The following LIX1L variants were observed in gnomAD, a reference collection of about 807,000 sequenced individuals.
The protein encoded by LIX1L is LIX1-like protein.
Under a neutral mutation model 34.0 loss-of-function variants are expected in LIX1L, and 20 were observed. The observed-to-expected ratio is 0.59, with a 90% CI of 0.41 to 0.85. LIX1L has a LOEUF of 0.85. Ranked by LOEUF, LIX1L falls within the 40% of genes least tolerant of loss-of-function variation. The pLI, the probability that LIX1L is intolerant of heterozygous loss-of-function variation, is 0.00. For synonymous variants in LIX1L, 170 were observed against 187.4 expected, an observed-to-expected ratio of 0.91 and a Z score of 0.76; for missense variants, 397 against 447.0, an observed-to-expected ratio of 0.89 and a Z score of 1.01.
chr1:145,944,071 CA>C (rs1649017212), intron 2 of LIX1L, among the ~76,000 whole-genome samples: 1 of 151,188 alleles, frequency 6.6e-6, no homozygotes, highest in Non-Finnish European at 1.5e-5. Context: ...AAAAGTAGAC[CA>C]GGGGTTGGGC....
intron 2 of LIX1L, among the ~76,000 whole-genome samples, chr1:145,945,764 A>G (rs1553759164): frequency 6.7e-6 from 1 of 148,712 alleles, no homozygotes; most frequent in Non-Finnish European, 1.5e-5. Context: ...AAAAAAAAAA[A>G]AGAAGAAGGA....
intron 1 of LIX1L, among the ~76,000 whole-genome samples, chr1:145,953,772 G>C (rs886506549): frequency 4.6e-5 from 7 of 152,206 alleles, no homozygotes; most frequent in Admixed American, 3.9e-4. Flanking sequence ...GAGGGAGGCA[G>C]GATGGGCACA....
chr1:145,947,240 T>C (rs1553759346), intron 2 of LIX1L: 1 of 192,090 alleles, frequency 5.2e-6, no homozygotes, highest in African/African-American at 2.3e-5. Context: ...CATTGCTTTC[T>C]TTAGTAATTG....
Position 145,957,723 on chromosome 1 carries a change from CGGG to C in LIX1L, c.202_204del (p.Pro68del). ...AGCACTGCCGGGCTGCCGGCGGCGC[CGGG>C]GGGCAGGGGTAGTCCTGGGGCCCCA... On this transcript the variant is annotated inframe_deletion, in exon 1 of 6. Transcript: ENST00000604000. 6.8e-7 allele frequency: 1 copy of C among 1,477,626 alleles called. No individual in the cohort carries two copies. Among genetic ancestry groups the C allele is most frequent in the Non-Finnish European group, 8.9e-7 (1 of 1,119,318 alleles). The allele number at this position is 1,477,626 out of a possible 1,614,324, so 91.5% of individuals were successfully genotyped here.
intron 3 of LIX1L, among the ~76,000 whole-genome samples, chr1:145,938,560 T>A (rs1321059403): frequency 6.6e-6 from 1 of 150,776 alleles, no homozygotes; most frequent in African/African-American, 2.4e-5. Flanking sequence ...TTAAATAAAA[T>A]TTTAAATTAA....
chr1:145,941,787 C>T (rs1354028301), intron 3 of LIX1L: 1 of 152,100 alleles, frequency 6.6e-6, no homozygotes, highest in Non-Finnish European at 1.5e-5. Flanking sequence ...GTACTTACAC[C>T]TCATAAGATT....
intron 4 of LIX1L, chr1:145,937,246 G>A (rs1648692406): frequency 5.4e-6 from 1 of 186,808 alleles, no homozygotes; most frequent in Non-Finnish European, 1.1e-5. Context: ...CGCAATCTCA[G>A]CTCACTGCAA....
intron 2 of LIX1L, among the ~76,000 whole-genome samples, chr1:145,946,202 T>G (rs1649101677): frequency 6.8e-6 from 1 of 146,216 alleles, no homozygotes. Context: ...CTGAAGTTCT[T>G]TTTTTTTTTT....
At chr1:145,952,446 G>C (rs1649328676) in intron 1 of LIX1L, among the ~76,000 whole-genome samples, 1 of 152,120 alleles carries the variant, frequency 6.6e-6, no homozygotes, top group Admixed American at 6.6e-5. Flanking sequence ...TTTTCTCAAA[G>C]TCTCTCACAA....
chr1:145,949,142 C>T (rs1649203451), intron 1 of LIX1L: 1 of 152,168 alleles, frequency 6.6e-6, no homozygotes, highest in African/African-American at 2.4e-5. Context: ...AACTCCAGAC[C>T]TGACATTGTA....
At position 145,936,562 on chromosome 1, in the gene LIX1L, G is replaced by T; in HGVS notation, c.772-10C>A. ...AATGAGCCAACACCTCCTAGTAGGG[G>T]AGGGGAATGTGAACATCATTGAGAA... On this transcript the variant is annotated splice_polypyrimidine_tract_variant and intron_variant, in intron 5 of 5. Coordinates refer to ENST00000604000, the MANE Select transcript of LIX1L (RefSeq NM_153713.3). 6.2e-7 allele frequency: 1 copy of T among 1,613,968 alleles called. No homozygotes were observed. The highest frequency in any genetic ancestry group is 8.5e-7 in the Non-Finnish European group (1 of 1,179,946).
At chr1:145,953,090 T>C (rs1414644922) in intron 1 of LIX1L, among the ~76,000 whole-genome samples, 1 of 151,780 alleles carries the variant, frequency 6.6e-6, no homozygotes, top group African/African-American at 2.4e-5. Flanking sequence ...TTCAAAAAAA[T>C]TTTTTTGTAG....
Position 145,947,762 on chromosome 1 carries a change from G to C in LIX1L, c.313C>G (p.Gln105Glu). ...YGRVNVVEAL[Q>E]EFWQMKQSRG... ...GACTGCTTCATCTGCCAGAATTCCT[G>C]AAGTGCCTCCACCACATTCACTACA... The change falls in exon 2 of 6, where the codon CAG becomes GAG. Residue 105 changes from glutamine to glutamate, a missense_variant. Gln to Glu is a conservative substitution (Grantham distance 29, BLOSUM62 2). This residue lies in a region of LIX1L where 207 missense variants were observed against 205.2 expected (regional missense o/e 1.01). Coordinates refer to ENST00000604000, the MANE Select transcript of LIX1L (RefSeq NM_153713.3). 6.2e-7 allele frequency: 1 copy of C among 1,614,116 alleles called. No homozygotes were observed. The highest frequency in any genetic ancestry group is 1.1e-5 in the South Asian group (1 of 91,072).
chr1:145,945,748 C>CA (rs1289472683), intron 2 of LIX1L, among the ~76,000 whole-genome samples: 8,017 of 78,164 alleles, frequency 0.1, 1,041 homozygotes, highest in African/African-American at 0.32. Context: ...GACTCTATCT[C>CA]AAAAAAAAAA....
At position 145,942,827 on chromosome 1, in the gene LIX1L, C is replaced by T. The variant is rs782638583; in HGVS notation, c.483G>A (p.Arg161=). The T allele has an allele frequency of 1.1e-5, 17 of 1,614,032 alleles. No individual in the cohort carries two copies. In the East Asian group the frequency reaches 3.8e-4, roughly 36 times the overall value. The change falls in exon 3 of 6, where the codon CGG becomes CGA. Residue 161 remains arginine, a synonymous_variant. Coordinates refer to ENST00000604000, the MANE Select transcript of LIX1L (RefSeq NM_153713.3). ...FQFCPTKAEA[R]RSAAKIALMN... ...TTAGCGCAATCTTTGCAGCACTCCT[C>T]CGGGCCTCAGCTTTTGTGGGGCAAA...
At chr1:145,952,110 G>C (rs1649316867) in intron 1 of LIX1L, among the ~76,000 whole-genome samples, 1 of 152,178 alleles carries the variant, frequency 6.6e-6, no homozygotes, top group African/African-American at 2.4e-5. Context: ...ACTTGTTTGA[G>C]GTCACATAGC....
At chr1:145,950,430 G>C (rs888540697) in intron 1 of LIX1L, 1 of 152,314 alleles carries the variant, frequency 6.6e-6, no homozygotes, top group East Asian at 1.9e-4. Flanking sequence ...AGACCGGAGT[G>C]CAGTGGCGTG....
rs1648502936 is a variant in LIX1L at position 145,933,483 on chromosome 1, T to C, written c.*2827A>G. ...TTATACATATAAAATACATAGAATG[T>C]ACTAAGAAGATGAGTAAAATCTTTG... is the stretch of plus-strand genomic sequence containing the variant. On this transcript the variant is annotated 3_prime_UTR_variant, in exon 6 of 6. Transcript: ENST00000604000. The C allele has an allele frequency of 6.6e-6, 1 of 152,196 alleles. No individual in the cohort carries two copies. The highest frequency in any genetic ancestry group is 2.4e-5 in the African/African-American group (1 of 41,452). 9.4% of individuals were successfully genotyped at this position (152,196 alleles called of 1,614,324 possible).
intron 5 of LIX1L, 86 bp downstream of exon 5, chr1:145,936,822 C>G: frequency 1.0e-6 from 1 of 994,454 alleles, no homozygotes; most frequent in Non-Finnish European, 1.6e-6. Flanking sequence ...CACAATAGAC[C>G]TTATTTCTAA....
Sources: gnomAD v4.1 joint callset for allele counts (sites outside exome capture counted in the v4.1 genomes callset) on GRCh38, gnomAD v4.1.1 for gene constraint, gnomAD v4.1.1 regional missense constraint, MANE v1.5 for transcripts, NCBI Gene and HGNC (gene_info 2026-07-23, HGNC 2026-07-21) for gene names.